Variants in HDAC2 observed in about 807,000 individuals in gnomAD.
HDAC2 encodes YY1-associated factor 1.
HDAC2 carries 5 observed loss-of-function variants against 68.5 expected under a neutral mutation model. The ratio of observed to expected loss-of-function variants is 0.07; its 90% CI spans 0.04 to 0.15. The LOEUF (loss-of-function observed/expected upper bound fraction) is 0.15. HDAC2 is among the 10% of genes least tolerant of loss of function. The pLI is 1.00. For synonymous variants in HDAC2, 182 were observed against 191.3 expected (o/e 0.95, Z 0.40); for missense variants, 291 against 600.8 (o/e 0.48, Z 5.39).
intron 12 of HDAC2, among the ~76,000 whole-genome samples, chr6:113,942,873 C>G (rs1776169259): frequency 6.6e-6 from 1 of 152,134 alleles, no homozygotes; most frequent in Admixed American, 6.5e-5. Context: ...TAGCTTTCCT[C>G]AGAGTTTTTA....
chr6:113,951,246 T>C (rs978608960), intron 6 of HDAC2, among the ~76,000 whole-genome samples: 6 of 152,180 alleles, frequency 3.9e-5, no homozygotes, highest in Admixed American at 2.6e-4. Flanking sequence ...GTTTCAACAA[T>C]GAGCTAAACT....
intron 9 of HDAC2, 59 bp from the exon 10 acceptor site, chr6:113,945,529 T>C (rs1582478948): frequency 4.8e-6 from 4 of 838,888 alleles, no homozygotes; most frequent in Non-Finnish European, 8.2e-6. Flanking sequence ...CAAAAAACCA[T>C]GCACAGAATC....
chr6:113,944,487 C>A, intron 10 of HDAC2, 77 bp from the exon 11 acceptor site: 5 of 1,266,264 alleles, frequency 3.9e-6, no homozygotes, highest in Admixed American at 2.0e-5. Context: ...AAATATTTAG[C>A]AAAAAATTTC....
intron 1 of HDAC2, chr6:113,970,548 C>G (rs1776966474): frequency 8.2e-7 from 1 of 1,224,024 alleles, no homozygotes; most frequent in Non-Finnish European, 1.0e-6. Context: ...CCGCCACCAC[C>G]AAGGCGGGGT....
chr6:113,965,156 T>C (rs868216731), intron 1 of HDAC2, among the ~76,000 whole-genome samples: 6 of 152,368 alleles, frequency 3.9e-5, no homozygotes, highest in Middle Eastern at 3.4e-3. Flanking sequence ...CACAGTTTTG[T>C]GCAGTCCCAC....
chr6:113,944,899 C>T (rs1458620607), intron 10 of HDAC2, among the ~76,000 whole-genome samples: 4 of 152,150 alleles, frequency 2.6e-5, no homozygotes, highest in Admixed American at 2.6e-4. Flanking sequence ...ACAGAGGTGA[C>T]TCAAACCCAT....
intron 1 of HDAC2, among the ~76,000 whole-genome samples, chr6:113,969,140 T>G (rs148771780): frequency 6.6e-6 from 1 of 152,256 alleles, no homozygotes; most frequent in African/African-American, 2.4e-5. Flanking sequence ...AAATATGCAA[T>G]GTAAATCATG....
chr6:113,949,699 C>T (rs1226541624), intron 6 of HDAC2, among the ~76,000 whole-genome samples: 2 of 152,122 alleles, frequency 1.3e-5, no homozygotes, highest in Non-Finnish European at 2.9e-5. Context: ...GGTTCACAAT[C>T]TGTTGGTATG....
chr6:113,967,102 A>G (rs1249149193), intron 1 of HDAC2, among the ~76,000 whole-genome samples: 1 of 152,200 alleles, frequency 6.6e-6, no homozygotes, highest in Non-Finnish European at 1.5e-5. Context: ...TAGAATTTCT[A>G]TAATTTGCTG....
rs955157653 is a variant in HDAC2 at position 113,949,283 on chromosome 6, T to A, written c.640-23A>T. 3.7e-6 allele frequency: 5 copies of A among 1,337,108 alleles called. No individual in the cohort carries two copies. In the African/African-American group the frequency reaches 5.8e-5, roughly 15 times the overall value. The allele number at this position is 1,337,108 out of a possible 1,614,324, so 82.8% of individuals were successfully genotyped here. A position where few individuals can be genotyped will look rare whatever the true frequency, so the allele number is the denominator to read the frequency against. The stretch of plus-strand genomic sequence containing the variant: ...ATCCTAAAATACATAATTAAACTGA[T>A]CTTAGAGAATATTCTATAATAAAAA... On this transcript the variant is annotated intron_variant, in intron 6 of 13. Transcript: ENST00000519065.
rs769886571 is a variant in HDAC2, at chr6:113,971,041, G to A, written c.-133C>T. ...GGCGATAGTCCCGCGGGGAAGGGCA[G>A]GCCGGTGGGAGGAGAGGAGGGGGCG... On this transcript the variant is annotated 5_prime_UTR_variant, in exon 1 of 14. Transcript: ENST00000519065. 6 of 1,571,230 alleles carry A rather than the reference G, an allele frequency of 3.8e-6. No homozygotes were observed. The highest frequency in any genetic ancestry group is 3.5e-5 in the South Asian group (3 of 86,556).
At chr6:113,950,386 T>TC (rs2114599666) in intron 6 of HDAC2, among the ~76,000 whole-genome samples, 1 of 151,594 alleles carries the variant, frequency 6.6e-6, no homozygotes, top group African/African-American at 2.4e-5. Context: ...TTTGTTGTTT[T>TC]TTTTTGTTTT....
chr6:113,949,475 T>C (rs772443186), intron 6 of HDAC2, among the ~76,000 whole-genome samples: 1 of 152,126 alleles, frequency 6.6e-6, no homozygotes, highest in Non-Finnish European at 1.5e-5. Flanking sequence ...TTGTAAAGCA[T>C]ACAAGAACCA....
chr6:113,963,512 A>G (rs992330766), intron 1 of HDAC2, among the ~76,000 whole-genome samples: 1 of 152,246 alleles, frequency 6.6e-6, no homozygotes. Context: ...ATCAAAATAC[A>G]GATTATCCCT....
chr6:113,963,246 G>C (rs1776732212), intron 1 of HDAC2, among the ~76,000 whole-genome samples: 1 of 151,624 alleles, frequency 6.6e-6, no homozygotes, highest in Non-Finnish European at 1.5e-5. Flanking sequence ...ACCATACCCG[G>C]CTAATTTTTG....
chr6:113,952,840 A>T lies in HDAC2; in HGVS notation c.639+437T>A, dbSNP rs186033286. Among the ~76,000 whole-genome samples, 548 of 152,316 alleles carry T rather than the reference A, an allele frequency of 3.6e-3. 3 individuals carry two copies. The highest frequency in any genetic ancestry group is 0.012 in the African/African-American group (504 of 41,578). On this transcript the variant is annotated intron_variant, in intron 6 of 13. Coordinates refer to ENST00000519065, the MANE Select transcript of HDAC2 (RefSeq NM_001527.4). Reference sequence around the variant, plus strand: ...ATACATTACCAATTTTAGAAGCTTAAAGAAAAAAAAAGATTAAAATTAGAT... The same window carrying T: ...ATACATTACCAATTTTAGAAGCTTATAGAAAAAAAAAGATTAAAATTAGAT...
At chr6:113,967,494 GACC>G (rs1395418630) in intron 1 of HDAC2, among the ~76,000 whole-genome samples, 1 of 151,890 alleles carries the variant, frequency 6.6e-6, no homozygotes, top group East Asian at 1.9e-4. Flanking sequence ...TTTTTTTCTG[GACC>G]ACTTGTCTCC....
rs761991467 is a variant in HDAC2 at position 113,971,032 on chromosome 6, G to A, written c.-124C>T. On this transcript the variant is annotated 5_prime_UTR_variant, in exon 1 of 14. Coordinates refer to ENST00000519065, the MANE Select transcript of HDAC2 (RefSeq NM_001527.4). ...AAACGTGGGGGCGATAGTCCCGCGG[G>A]GAAGGGCAGGCCGGTGGGAGGAGAG... 1.2e-5 allele frequency: 19 copies of A among 1,574,074 alleles called. No homozygotes were observed. The African/African-American group carries it at 1.2e-4, about 10-fold the overall frequency.
intron 6 of HDAC2, 126 bp from the exon 7 acceptor site, chr6:113,949,386 A>G (rs796208334): frequency 5.3e-5 from 34 of 644,782 alleles, no homozygotes; most frequent in African/African-American, 3.7e-4. Context: ...TCATCTTAGA[A>G]GTTGAGACCG....
Sources: allele counts gnomAD v4.1 joint callset (sites outside exome capture counted in the v4.1 genomes callset), GRCh38; gene constraint gnomAD v4.1.1; transcripts MANE v1.5; gene names NCBI Gene and HGNC (gene_info 2026-07-23, HGNC 2026-07-21).